The following TMEM117 variants were observed in gnomAD, a reference collection of about 807,000 sequenced individuals.
TMEM117 encodes the protein transmembrane protein 117.
Under a neutral mutation model 52.4 loss-of-function variants are expected in TMEM117, and 27 were observed. The observed-to-expected ratio is 0.51, with a 90% CI of 0.38 to 0.71. The LOEUF (loss-of-function observed/expected upper bound fraction) is 0.71. Among genes scored for constraint, TMEM117 ranks in the 30% least tolerant of loss-of-function variants. The pLI, the probability that TMEM117 is intolerant of heterozygous loss-of-function variation, is 0.00. For synonymous variants in TMEM117, 215 were observed against 206.3 expected (o/e 1.04, Z -0.36); for missense variants, 556 against 630.5 (o/e 0.88, Z 1.26).
intron 3 of TMEM117, among the ~76,000 whole-genome samples, chr12:44,066,032 G>A (rs1179215073): frequency 2.0e-5 from 3 of 152,208 alleles, no homozygotes; most frequent in African/African-American, 7.2e-5. Context: ...AGTGGTGCAA[G>A]AAAATTTATG....
At chr12:44,104,379 T>A (rs1185971842) in intron 3 of TMEM117, among the ~76,000 whole-genome samples, 1 of 151,934 alleles carries the variant, frequency 6.6e-6, no homozygotes, top group East Asian at 1.9e-4. Context: ...CAAAATTATA[T>A]CAAGCTTAAA....
At chr12:44,059,498 T>G (rs1395282605) in intron 3 of TMEM117, among the ~76,000 whole-genome samples, 1 of 152,208 alleles carries the variant, frequency 6.6e-6, no homozygotes, top group African/African-American at 2.4e-5. Context: ...AATCTCACTC[T>G]TTCATTTTGG....
chr12:44,096,936 A>C (rs1471218619), intron 3 of TMEM117, among the ~76,000 whole-genome samples: 4 of 151,844 alleles, frequency 2.6e-5, no homozygotes, highest in South Asian at 2.1e-4. Context: ...CAACCTACAG[A>C]ATGGGAGAAA....
chr12:43,815,234 G>A, the TMEM117 span, among the ~76,000 whole-genome samples: 1 of 152,200 alleles, frequency 6.6e-6, no homozygotes, highest in East Asian at 1.9e-4. Flanking sequence ...AATAGTTCTT[G>A]TTATTATATT....
At chr12:44,354,709 A>G (rs1402094359) in intron 6 of TMEM117, among the ~76,000 whole-genome samples, 1 of 151,956 alleles carries the variant, frequency 6.6e-6, no homozygotes. Flanking sequence ...CACAGCCAAT[A>G]TCATACTGAA....
chr12:44,314,932 A>G (rs1377126463), intron 6 of TMEM117, among the ~76,000 whole-genome samples: 1 of 152,070 alleles, frequency 6.6e-6, no homozygotes, highest in Non-Finnish European at 1.5e-5. Context: ...TCAATTTTGT[A>G]ACTGGGTATT....
At chr12:44,040,803 A>G (rs1946785032) in intron 3 of TMEM117, among the ~76,000 whole-genome samples, 1 of 152,184 alleles carries the variant, frequency 6.6e-6, no homozygotes, top group Non-Finnish European at 1.5e-5. Flanking sequence ...TTATAGTTAG[A>G]TAAAAATTTG....
chr12:44,304,629 A>G (rs1000864664), intron 6 of TMEM117, among the ~76,000 whole-genome samples: 5 of 152,166 alleles, frequency 3.3e-5, no homozygotes, highest in African/African-American at 1.2e-4. Flanking sequence ...CTTGGATACT[A>G]GCTTACCACA....
chr12:43,863,306 A>C (rs1943523015), intron 2 of TMEM117, among the ~76,000 whole-genome samples: 1 of 152,218 alleles, frequency 6.6e-6, no homozygotes, highest in Non-Finnish European at 1.5e-5. Context: ...AAGTTAATGG[A>C]GCCTAAAGAG....
At chr12:44,251,247 GGGATATA>G (rs1950194217) in intron 5 of TMEM117, among the ~76,000 whole-genome samples, 1 of 152,094 alleles carries the variant, frequency 6.6e-6, no homozygotes, top group Non-Finnish European at 1.5e-5. Context: ...ATAATTTAAT[GGGATATA>G]AAATGAAAAC....
intron 6 of TMEM117, among the ~76,000 whole-genome samples, chr12:44,316,620 T>TCTA (rs761138436): frequency 1.4e-4 from 21 of 152,208 alleles, no homozygotes; most frequent in Non-Finnish European, 2.6e-4. Flanking sequence ...TTCCTGGGTG[T>TCTA]CTACCTCTTT....
At chr12:44,139,573 A>T (rs1948542041) in intron 3 of TMEM117, among the ~76,000 whole-genome samples, 2 of 152,106 alleles carry the variant, frequency 1.3e-5, no homozygotes, top group African/African-American at 4.8e-5. Context: ...AAATTTATTT[A>T]GGATCTTAAA....
chr12:43,822,591 C>T, the TMEM117 span, among the ~76,000 whole-genome samples: 3 of 151,188 alleles, frequency 2.0e-5, no homozygotes, highest in Non-Finnish European at 2.9e-5. Context: ...ACACTTATTC[C>T]TCAGTTTCTA....
At chr12:44,286,493 T>G (rs1007430269) in intron 5 of TMEM117, among the ~76,000 whole-genome samples, 1 of 152,074 alleles carries the variant, frequency 6.6e-6, no homozygotes, top group African/African-American at 2.4e-5. Context: ...CATAAATGAG[T>G]CAGCCCTTTG....
At position 44,135,513 on chromosome 12, in the gene TMEM117, A is replaced by G. The variant is rs148886243; in HGVS notation, c.411-8012A>G. Among the ~76,000 whole-genome samples the G allele has an allele frequency of 5.5e-3, 833 of 152,240 alleles. 8 individuals carry two copies. Among genetic ancestry groups the G allele is most frequent in the African/African-American group, 0.019 (772 of 41,550 alleles). On this transcript the variant is annotated intron_variant, in intron 3 of 7. Coordinates refer to ENST00000266534, the MANE Select transcript of TMEM117 (RefSeq NM_032256.3). ...AGTTCCCTTCTCCCTTCCCCATATC[A>G]CTGGAGCCTAAAATTGTTTCAACAG...
At chr12:44,348,457 C>G (rs933499897) in intron 6 of TMEM117, among the ~76,000 whole-genome samples, 15 of 151,832 alleles carry the variant, frequency 9.9e-5, no homozygotes, top group Admixed American at 9.9e-4. Flanking sequence ...CCAATACCCC[C>G]TAGTCCAAAG....
At chr12:44,342,150 TA>T (rs1951426209) in intron 6 of TMEM117, among the ~76,000 whole-genome samples, 1 of 152,150 alleles carries the variant, frequency 6.6e-6, no homozygotes, top group Non-Finnish European at 1.5e-5. Flanking sequence ...AATTCCAGTG[TA>T]CTGGCGTTTG....
Position 44,388,598 on chromosome 12 carries a change from C to T in TMEM117, c.1471C>T (p.Gln491Ter). ...CCTAACCTCGGAAAACTTGAGCTCACAGTTGAACGAATCTACTAGTGCAAC... is the reference window on the plus strand; with the variant it reads ...CCTAACCTCGGAAAACTTGAGCTCATAGTTGAACGAATCTACTAGTGCAAC... ...SHLTSENLSS[Q>*]LNESTSATEA... is the part of the protein sequence containing the mutation. Residue 491 changes from glutamine (Q) to a stop codon, truncating the protein, a stop_gained, in exon 8 of 8, where the codon CAG becomes TAG. Coordinates refer to ENST00000266534, the MANE Select transcript of TMEM117 (RefSeq NM_032256.3). LOFTEE classifies it high-confidence loss of function. 6.2e-7 allele frequency: 1 copy of T among 1,613,482 alleles called. No individual in the cohort carries two copies. The highest frequency in any genetic ancestry group is 8.5e-7 in the Non-Finnish European group (1 of 1,179,590).
chr12:44,274,482 C>G (rs1328018628), intron 5 of TMEM117, among the ~76,000 whole-genome samples: 1 of 151,952 alleles, frequency 6.6e-6, no homozygotes, highest in Non-Finnish European at 1.5e-5. Context: ...CAACAAGAGA[C>G]CCAGAACAGC....
Sources: allele counts gnomAD v4.1 joint callset (sites outside exome capture counted in the v4.1 genomes callset), GRCh38; gene constraint gnomAD v4.1.1; transcripts MANE v1.5; gene names NCBI Gene and HGNC (gene_info 2026-07-23, HGNC 2026-07-21).